ZC3H8: variants seen among roughly 807,000 people sequenced by gnomAD.
ZC3H8 encodes zinc finger CCCH-type containing 8.
Under a neutral mutation model 42.5 loss-of-function variants are expected in ZC3H8, and 27 were observed. That is an observed-to-expected ratio of 0.64 (90% confidence interval 0.47 to 0.88). The LOEUF (loss-of-function observed/expected upper bound fraction) is 0.88. Ranked by LOEUF, ZC3H8 falls within the 40% of genes least tolerant of loss-of-function variation. The pLI, the probability that ZC3H8 is intolerant of heterozygous loss-of-function variation, is 0.00. For missense variants in ZC3H8, 277 were observed against 336.1 expected, an observed-to-expected ratio of 0.82 and a Z score of 1.37; for synonymous variants, 101 against 110.1, an observed-to-expected ratio of 0.92 and a Z score of 0.52.
At chr2:112,221,549 T>G (rs1353152480) in intron 8 of ZC3H8, among the ~76,000 whole-genome samples, 2 of 152,178 alleles carry the variant, frequency 1.3e-5, no homozygotes, top group African/African-American at 4.8e-5. Context: ...ATGAACGAAC[T>G]AATACAGTCT....
Position 112,212,251 on chromosome 2 carries a change from C to T in ZC3H8, c.*4233G>A, listed in dbSNP as rs1684164091. On this transcript the variant is annotated 3_prime_UTR_variant, in exon 9 of 9. Transcript: ENST00000409573. Reference sequence around the variant, plus strand: ...TCCCATTCATGAGGGGCTCCACCCTCAAAACCCAATCATCTCCCAAAGGCC... The same window carrying T: ...TCCCATTCATGAGGGGCTCCACCCTTAAAACCCAATCATCTCCCAAAGGCC... 1 of 152,238 alleles carries T rather than the reference C, an allele frequency of 6.6e-6. No individual in the cohort carries two copies. Among genetic ancestry groups the T allele is most frequent in the African/African-American group, 2.4e-5 (1 of 41,456 alleles). The allele number at this position is 152,238 out of a possible 1,614,324, so 9.4% of individuals were successfully genotyped here. A position where few individuals can be genotyped will look rare whatever the true frequency, so the allele number is the denominator to read the frequency against.
chr2:112,239,927 C>T (rs2104662200), intron 2 of ZC3H8, among the ~76,000 whole-genome samples: 1 of 152,230 alleles, frequency 6.6e-6, no homozygotes, highest in Admixed American at 6.5e-5. Context: ...AGGAGTTGTT[C>T]CACCAGAGGA....
At chr2:112,243,749 TTTA>T (rs1685665332) in intron 2 of ZC3H8, among the ~76,000 whole-genome samples, 1 of 152,168 alleles carries the variant, frequency 6.6e-6, no homozygotes, top group African/African-American at 2.4e-5. Context: ...ACCTAAAATA[TTTA>T]TTGTCTTGTC....
At chr2:112,222,667 T>TA (rs965839160) in intron 8 of ZC3H8, among the ~76,000 whole-genome samples, 2 of 151,976 alleles carry the variant, frequency 1.3e-5, no homozygotes, top group Admixed American at 6.5e-5. Flanking sequence ...TTATATGAGA[T>TA]AAAAAAAGGA....
chr2:112,230,477 TATAAAC>T (rs1480453806), intron 8 of ZC3H8, among the ~76,000 whole-genome samples: 5 of 152,108 alleles, frequency 3.3e-5, no homozygotes, highest in African/African-American at 1.2e-4. Context: ...AAATAACTAA[TATAAAC>T]ATAAAGTGAA....
intron 8 of ZC3H8, among the ~76,000 whole-genome samples, chr2:112,220,515 T>G (rs1684536270): frequency 6.6e-6 from 1 of 152,182 alleles, no homozygotes; most frequent in Non-Finnish European, 1.5e-5. Context: ...ATAGGTCTGC[T>G]GTTAGCCTAA....
intron 8 of ZC3H8, among the ~76,000 whole-genome samples, chr2:112,222,570 C>A (rs1684636270): frequency 6.6e-6 from 1 of 152,146 alleles, no homozygotes; most frequent in Non-Finnish European, 1.5e-5. Context: ...ACATGAGATA[C>A]CTACATTTGT....
intron 5 of ZC3H8, 134 bp downstream of exon 5, chr2:112,233,986 T>A (rs1352550988): frequency 1.8e-6 from 1 of 562,322 alleles, no homozygotes; most frequent in African/African-American, 2.0e-5. Flanking sequence ...AAAAGAATAC[T>A]TCACTAAAAT....
chr2:112,250,949 A>G (rs1685925029), intron 1 of ZC3H8, among the ~76,000 whole-genome samples: 2 of 152,238 alleles, frequency 1.3e-5, no homozygotes, highest in South Asian at 4.1e-4. Flanking sequence ...TATATATAAC[A>G]GTCTGAGACA....
At chr2:112,249,305 C>T (rs1225141955) in intron 2 of ZC3H8, among the ~76,000 whole-genome samples, 1 of 152,178 alleles carries the variant, frequency 6.6e-6, no homozygotes, top group East Asian at 1.9e-4. Context: ...CAAAGATTGC[C>T]AGCATTCCAT....
chr2:112,254,910 T>C lies in ZC3H8; in HGVS notation c.72A>G (p.Glu24=). ...ALGKTATDSD[E]RIDDEIDTEV... ...AAGATGAAAAGATATGGGATCACCT[T>C]TCGTCAGAGTCCGTGGCCGTTTTGC... The change falls in exon 1 of 9, where the codon GAA becomes GAG. Residue 24 remains glutamate (E), a splice_region_variant and synonymous_variant. Transcript: ENST00000409573. The C allele has an allele frequency of 6.2e-7, 1 of 1,613,374 alleles. No individual in the cohort carries two copies. Among genetic ancestry groups the C allele is most frequent in the South Asian group, 1.1e-5 (1 of 90,972 alleles).
At chr2:112,223,952 G>A (rs1383196772) in intron 8 of ZC3H8, among the ~76,000 whole-genome samples, 1 of 152,106 alleles carries the variant, frequency 6.6e-6, no homozygotes, top group Non-Finnish European at 1.5e-5. Flanking sequence ...AGACCAGGCT[G>A]GCCAAAATGG....
intron 8 of ZC3H8, among the ~76,000 whole-genome samples, chr2:112,223,557 A>G (rs988145097): frequency 3.3e-5 from 5 of 152,156 alleles, no homozygotes; most frequent in Non-Finnish European, 7.3e-5. Context: ...TATTACTTTT[A>G]TAAGAATATT....
rs1166001003 is a variant in ZC3H8, at chr2:112,213,490, G to A, written c.*2994C>T. The stretch of plus-strand genomic sequence containing the variant: ...TATCTCACCAACAGATAAAAATTGA[G>A]TTCTGGCCGGGTGCGGTGGCCCACA... On this transcript the variant is annotated 3_prime_UTR_variant, in exon 9 of 9. Coordinates refer to ENST00000409573, the MANE Select transcript of ZC3H8 (RefSeq NM_032494.3). 1 of 151,886 alleles carries A rather than the reference G, an allele frequency of 6.6e-6. No homozygotes were observed. Among genetic ancestry groups the A allele is most frequent in the African/African-American group, 2.4e-5 (1 of 41,332 alleles). 9.4% of individuals were successfully genotyped at this position (151,886 alleles called of 1,614,324 possible).
At chr2:112,223,655 A>ACAAT (rs1390719226) in intron 8 of ZC3H8, among the ~76,000 whole-genome samples, 2 of 152,218 alleles carry the variant, frequency 1.3e-5, no homozygotes, top group Admixed American at 6.5e-5. Flanking sequence ...AGAAATGCTA[A>ACAAT]CAATCAATCT....
intron 8 of ZC3H8, among the ~76,000 whole-genome samples, chr2:112,226,629 G>C (rs1185933200): frequency 6.7e-6 from 1 of 148,276 alleles, no homozygotes; most frequent in Non-Finnish European, 1.5e-5. Context: ...TGTCTTACTG[G>C]TGAATTAAAG....
intron 2 of ZC3H8, among the ~76,000 whole-genome samples, chr2:112,246,545 G>A (rs1685771676): frequency 6.6e-6 from 1 of 152,224 alleles, no homozygotes; most frequent in Non-Finnish European, 1.5e-5. Context: ...CAAGACTTCA[G>A]TAGACGAAGT....
At chr2:112,233,640 C>T (rs981292475) in intron 5 of ZC3H8, among the ~76,000 whole-genome samples, 4 of 151,918 alleles carry the variant, frequency 2.6e-5, no homozygotes, top group African/African-American at 9.7e-5. Context: ...GGCCGAGGTG[C>T]GCGGATCATG....
intron 2 of ZC3H8, among the ~76,000 whole-genome samples, chr2:112,248,244 C>A (rs781380342): frequency 1.3e-5 from 2 of 151,210 alleles, no homozygotes; most frequent in African/African-American, 4.9e-5. Flanking sequence ...GAAAACTGCT[C>A]GAACCCAGGA....
Sources: gnomAD v4.1 joint callset for allele counts (sites outside exome capture counted in the v4.1 genomes callset) on GRCh38, gnomAD v4.1.1 for gene constraint, MANE v1.5 for transcripts, NCBI Gene and HGNC (gene_info 2026-07-23, HGNC 2026-07-21) for gene names.